Variants in TSNARE1 observed in about 807,000 individuals in gnomAD.
The protein encoded by TSNARE1 is t-SNARE domain-containing protein 1.
TSNARE1 carries 49 observed loss-of-function variants against 62.0 expected under a neutral mutation model. The ratio of observed to expected loss-of-function variants is 0.79; its 90% CI spans 0.63 to 1.00. TSNARE1 has a LOEUF of 1.00. Ranked by LOEUF, TSNARE1 falls within the 50% of genes least tolerant of loss-of-function variation. The pLI, the probability that TSNARE1 is intolerant of heterozygous loss-of-function variation, is 0.00. For synonymous variants in TSNARE1, 328 were observed against 294.4 expected, an observed-to-expected ratio of 1.11 and a Z score of -1.17; for missense variants, 755 against 700.1, an observed-to-expected ratio of 1.08 and a Z score of -0.88.
At chr8:142,332,148 T>G (rs1340083866) in intron 4 of TSNARE1, among the ~76,000 whole-genome samples, 1 of 152,142 alleles carries the variant, frequency 6.6e-6, no homozygotes, top group Non-Finnish European at 1.5e-5. Context: ...CACCTGCACG[T>G]GGAGGCTCAG....
rs1479200758 is a variant in TSNARE1 at position 142,232,535 on chromosome 8, A to G, written c.1447-2956T>C. ...TGGAACCACAGAAACGGACAGGCCA[A>G]AGGGGCGGACCCGGATGTAGCAAAG... is the stretch of plus-strand genomic sequence containing the variant. On this transcript the variant is annotated intron_variant, in intron 12 of 13. Transcript: ENST00000524325. Among the ~76,000 whole-genome samples, 4 of 152,230 alleles carry G rather than the reference A, an allele frequency of 2.6e-5. No individual in the cohort carries two copies. In the East Asian group the frequency reaches 7.7e-4, roughly 29 times the overall value.
intron 1 of TSNARE1, among the ~76,000 whole-genome samples, chr8:142,389,519 G>A (rs1435171760): frequency 6.6e-6 from 1 of 152,184 alleles, no homozygotes; most frequent in Non-Finnish European, 1.5e-5. Flanking sequence ...AGCAGCATAT[G>A]AACTAGACCA....
intron 12 of TSNARE1, among the ~76,000 whole-genome samples, chr8:142,255,215 T>C (rs574548431): frequency 6.6e-6 from 1 of 151,928 alleles, no homozygotes; most frequent in African/African-American, 2.4e-5. Context: ...TTTATCCCAT[T>C]CTCCCAGTGC....
intron 4 of TSNARE1, among the ~76,000 whole-genome samples, chr8:142,336,649 CAA>C (rs1488897041): frequency 6.6e-6 from 1 of 152,188 alleles, no homozygotes; most frequent in Non-Finnish European, 1.5e-5. Flanking sequence ...CAAGCAGACA[CAA>C]GAGCATAGAG....
At chr8:142,273,709 G>A (rs1452731711) in intron 12 of TSNARE1, 1 of 985,298 alleles carries the variant, frequency 1.0e-6, no homozygotes, top group African/African-American at 1.7e-5. Context: ...CAGTGGGGGT[G>A]CCCGGGCTGG....
intron 6 of TSNARE1, among the ~76,000 whole-genome samples, chr8:142,326,518 C>G (rs1387624205): frequency 7.4e-6 from 1 of 135,286 alleles, no homozygotes; most frequent in African/African-American, 2.9e-5. Context: ...AAGGGGAGGG[C>G]CCCGGAGAGC....
intron 2 of TSNARE1, among the ~76,000 whole-genome samples, chr8:142,346,780 T>C (rs1242135139): frequency 3.3e-5 from 5 of 152,214 alleles, no homozygotes; most frequent in Admixed American, 3.3e-4. Context: ...GCCAAGCGCC[T>C]GAAGCAGCAG....
intron 9 of TSNARE1, among the ~76,000 whole-genome samples, chr8:142,307,882 CT>C (rs1826948572): frequency 6.6e-6 from 1 of 152,220 alleles, no homozygotes; most frequent in South Asian, 2.1e-4. Context: ...CCACGCCCGG[CT>C]TTTGCAGAGG....
intron 13 of TSNARE1, among the ~76,000 whole-genome samples, chr8:142,212,716 G>A (rs1408375435): frequency 6.6e-6 from 1 of 151,546 alleles, no homozygotes; most frequent in African/African-American, 2.4e-5. Context: ...CCTCTCCTGG[G>A]CACGCTTCCA....
rs142793857 is a variant in TSNARE1 at position 142,314,080 on chromosome 8, CGTGT to C, written c.1131+300_1131+303del. Among the ~76,000 whole-genome samples, 3 of 152,036 alleles carry C rather than the reference CGTGT, an allele frequency of 2.0e-5. No homozygotes were observed. In the South Asian group the frequency reaches 6.2e-4, roughly 31 times the overall value. On this transcript the variant is annotated intron_variant, in intron 9 of 13. Coordinates refer to ENST00000524325, the MANE Select transcript of TSNARE1 (RefSeq NM_145003.5). ...AGGCGTGAGCCACCGCGCCCGGCCA[CGTGT>C]GTGTGTGTGTTTTCACCCAGGTTTC... is the stretch of plus-strand genomic sequence containing the variant.
chr8:142,389,708 G>A (rs1450724462), intron 1 of TSNARE1, among the ~76,000 whole-genome samples: 1 of 152,234 alleles, frequency 6.6e-6, no homozygotes, highest in African/African-American at 2.4e-5. Context: ...ACTTCGTCAA[G>A]GGAGGGAGGG....
intron 11 of TSNARE1, chr8:142,276,521 G>A: frequency 8.1e-6 from 8 of 985,466 alleles, no homozygotes; most frequent in Non-Finnish European, 9.6e-6. Flanking sequence ...GGTGAATGTG[G>A]ACAGTGGAGA....
At chr8:142,352,569 G>A (rs114757557) in intron 2 of TSNARE1, among the ~76,000 whole-genome samples, 12 of 152,374 alleles carry the variant, frequency 7.9e-5, no homozygotes, top group South Asian at 2.1e-4. Context: ...CAGACGCCGC[G>A]GTGTGCTCAC....
chr8:142,392,749 G>A (rs920323431), intron 1 of TSNARE1, among the ~76,000 whole-genome samples: 54 of 152,078 alleles, frequency 3.6e-4, no homozygotes, highest in Non-Finnish European at 1.0e-4. Flanking sequence ...GAGACCACGC[G>A]GGCCAACATG....
chr8:142,373,836 C>T (rs747370635), intron 1 of TSNARE1, among the ~76,000 whole-genome samples: 8 of 152,096 alleles, frequency 5.3e-5, no homozygotes, highest in Middle Eastern at 3.4e-3. Context: ...GGCAGGGGAG[C>T]GGGGAAGCGG....
intron 1 of TSNARE1, among the ~76,000 whole-genome samples, chr8:142,401,217 C>T (rs1257278333): frequency 1.3e-5 from 2 of 152,110 alleles, no homozygotes; most frequent in African/African-American, 4.8e-5. Context: ...TGTATTTATT[C>T]ATCAAAACCT....
chr8:142,331,626 C>G, intron 5 of TSNARE1, 128 bp downstream of exon 5: 2 of 892,764 alleles, frequency 2.2e-6, no homozygotes, highest in East Asian at 2.7e-5. Flanking sequence ...AGTGGACCCA[C>G]GAAACCCGGG....
intron 1 of TSNARE1, among the ~76,000 whole-genome samples, chr8:142,386,975 A>G (rs546728300): frequency 6.6e-6 from 1 of 152,324 alleles, no homozygotes; most frequent in Non-Finnish European, 1.5e-5. Context: ...TGATATACAC[A>G]TCAAACTTCC....
In TSNARE1 at chr8:142,400,673, A is replaced by T. The variant is rs573936914; in HGVS notation, c.-40+2431T>A. ...GACTCCGTGTCAAAAAATAAAAATA[A>T]GAAGAAGACAGCCTAACCCCTAGCC... On this transcript the variant is annotated intron_variant, in intron 1 of 13. Transcript: ENST00000524325. 3.3e-5 allele frequency among the ~76,000 whole-genome samples: 5 copies of T among 152,332 alleles called. No homozygotes were observed. The East Asian group carries it at 5.8e-4, about 18-fold the overall frequency.
Sources: allele counts gnomAD v4.1 joint callset (sites outside exome capture counted in the v4.1 genomes callset), GRCh38; gene constraint gnomAD v4.1.1; transcripts MANE v1.5; gene names NCBI Gene and HGNC (gene_info 2026-07-23, HGNC 2026-07-21).